The following HPSE2 variants were observed in gnomAD, a reference collection of about 807,000 sequenced individuals.
HPSE2 encodes the protein heparanase 2 (inactive), also known as inactive heparanase-2.
A neutral mutation model predicts 60.5 loss-of-function variants in HPSE2; 38 were observed. That is an observed-to-expected ratio of 0.63 (90% CI 0.48 to 0.82). The LOEUF (loss-of-function observed/expected upper bound fraction) is 0.82, where lower values mean the gene tolerates loss of function less well. HPSE2 is among the 40% of genes least tolerant of loss of function. The pLI is 0.00. For missense variants in HPSE2, 713 were observed against 740.4 expected (o/e 0.96, Z 0.43); for synonymous variants, 295 against 293.2 (o/e 1.01, Z -0.06).
intron 3 of HPSE2, among the ~76,000 whole-genome samples, chr10:99,026,881 G>A (rs1215566221): frequency 1.3e-5 from 2 of 152,036 alleles, no homozygotes; most frequent in Non-Finnish European, 2.9e-5. Context: ...CAATGGGTCA[G>A]TAAAGAAATT....
intron 3 of HPSE2, among the ~76,000 whole-genome samples, chr10:98,978,472 AAAC>A (rs1390903922): frequency 1.3e-5 from 2 of 152,302 alleles, no homozygotes; most frequent in South Asian, 4.1e-4. Context: ...ACAAAAATGA[AAAC>A]AACAATAACA....
At chr10:99,118,396 G>A (rs530623812) in intron 3 of HPSE2, among the ~76,000 whole-genome samples, 18 of 151,754 alleles carry the variant, frequency 1.2e-4, no homozygotes, top group Admixed American at 9.2e-4. Flanking sequence ...GTTGGCAGGC[G>A]CCTGTAGTCC....
chr10:98,809,573 A>T (rs1951120320), intron 3 of HPSE2, among the ~76,000 whole-genome samples: 1 of 152,068 alleles, frequency 6.6e-6, no homozygotes, highest in South Asian at 2.1e-4. Flanking sequence ...GTTACTTTGG[A>T]CCCACCAAAC....
intron 6 of HPSE2, among the ~76,000 whole-genome samples, chr10:98,658,246 T>G (rs566233027): frequency 1.3e-5 from 2 of 152,322 alleles, no homozygotes; most frequent in African/African-American, 4.8e-5. Context: ...GAGCTAGATG[T>G]TCCCTGTACT....
chr10:98,839,439 C>A lies in HPSE2; in HGVS notation c.611-95383G>T, dbSNP rs144317477. Among the ~76,000 whole-genome samples, 164 of 152,248 alleles carry A rather than the reference C, an allele frequency of 1.1e-3. 2 individuals carry two copies. The highest frequency in any genetic ancestry group is 0.01 in the Middle Eastern group (3 of 294). On this transcript the variant is annotated intron_variant, in intron 3 of 11. Transcript: ENST00000370552. ...GTAATCATGAATTAAATTCATCATT[C>A]ATTCACTAAGTACAAGAGAACATCA...
At chr10:99,301,994 G>A in the HPSE2 span, among the ~76,000 whole-genome samples, 130,227 of 151,786 alleles carry the variant, frequency 0.86, 56,246 homozygotes, top group African/African-American at 0.93. Context: ...TGGAAACCAC[G>A]GAATAGATCT....
intron 3 of HPSE2, among the ~76,000 whole-genome samples, chr10:99,045,022 AC>A (rs1482840336): frequency 6.6e-6 from 1 of 152,168 alleles, no homozygotes; most frequent in Non-Finnish European, 1.5e-5. Context: ...GACCTAATAG[AC>A]ATCTACAGAA....
intron 3 of HPSE2, among the ~76,000 whole-genome samples, chr10:98,934,588 A>T (rs571641005): frequency 1.4e-5 from 2 of 144,440 alleles, no homozygotes; most frequent in South Asian, 4.2e-4. Context: ...CTTTTTTAAC[A>T]ATGTTGAACA....
At chr10:98,498,170 C>T (rs1941914407) in intron 9 of HPSE2, among the ~76,000 whole-genome samples, 1 of 152,190 alleles carries the variant, frequency 6.6e-6, no homozygotes, top group African/African-American at 2.4e-5. Flanking sequence ...TGAATTTTAG[C>T]TCCAGATCAA....
chr10:98,621,554 G>T (rs1281626089), intron 7 of HPSE2, among the ~76,000 whole-genome samples: 2 of 152,160 alleles, frequency 1.3e-5, no homozygotes, highest in Admixed American at 6.5e-5. Context: ...GGGACTGGGG[G>T]ACTGAAATAG....
intron 2 of HPSE2, among the ~76,000 whole-genome samples, chr10:99,222,927 A>T (rs1022176108): frequency 6.6e-6 from 1 of 152,160 alleles, no homozygotes; most frequent in Non-Finnish European, 1.5e-5. Context: ...ACATTTTTTT[A>T]ATGCTCCACA....
intron 3 of HPSE2, among the ~76,000 whole-genome samples, chr10:99,113,386 C>T (rs1368937852): frequency 6.6e-6 from 1 of 152,138 alleles, no homozygotes; most frequent in Non-Finnish European, 1.5e-5. Context: ...TAAAGGACTT[C>T]ACAGGTTGGT....
chr10:98,621,357 T>G (rs1946068960), intron 7 of HPSE2, among the ~76,000 whole-genome samples: 1 of 152,044 alleles, frequency 6.6e-6, no homozygotes. Context: ...AGATTTGAAA[T>G]GGCCTAGTCT....
chr10:99,185,635 G>A lies in HPSE2; in HGVS notation c.449-41236C>T, dbSNP rs558016662. Among the ~76,000 whole-genome samples, 15 of 151,858 alleles carry A rather than the reference G, an allele frequency of 9.9e-5. No individual in the cohort carries two copies. In the East Asian group the frequency reaches 1.2e-3, roughly 12 times the overall value. On this transcript the variant is annotated intron_variant, in intron 2 of 11. Coordinates refer to ENST00000370552, the MANE Select transcript of HPSE2 (RefSeq NM_021828.5). ...TAAAAATACAAAAAATTAGCCGGGC[G>A]TAGTGGCGGGTGTCTTTAGTCCCAG...
intron 8 of HPSE2, among the ~76,000 whole-genome samples, chr10:98,619,813 C>G (rs371401027): frequency 2.0e-4 from 31 of 152,334 alleles, no homozygotes; most frequent in African/African-American, 7.5e-4. Context: ...CTCCCTGATA[C>G]TCCCAGTCAC....
chr10:98,893,978 CTT>C (rs1953411910), intron 3 of HPSE2, among the ~76,000 whole-genome samples: 1 of 151,820 alleles, frequency 6.6e-6, no homozygotes, highest in African/African-American at 2.4e-5. Flanking sequence ...CCTCTCTTGA[CTT>C]TGGCAAGAAA....
chr10:99,087,350 G>A (rs945845430), intron 3 of HPSE2, among the ~76,000 whole-genome samples: 3 of 152,058 alleles, frequency 2.0e-5, no homozygotes, highest in Non-Finnish European at 2.9e-5. Context: ...ACTTTCTGGC[G>A]TCCCACACAG....
At chr10:98,540,862 G>A (rs1482266775) in intron 9 of HPSE2, among the ~76,000 whole-genome samples, 1 of 152,130 alleles carries the variant, frequency 6.6e-6, no homozygotes, top group African/African-American at 2.4e-5. Flanking sequence ...TAGATGTAAA[G>A]AGGAAATATG....
chr10:98,977,062 C>T (rs918757963), intron 3 of HPSE2, among the ~76,000 whole-genome samples: 1 of 152,166 alleles, frequency 6.6e-6, no homozygotes, highest in African/African-American at 2.4e-5. Context: ...CCTGGACCTG[C>T]TGACACCTTG....
Sources: allele counts gnomAD v4.1 joint callset (sites outside exome capture counted in the v4.1 genomes callset), GRCh38; gene constraint gnomAD v4.1.1; transcripts MANE v1.5; gene names NCBI Gene and HGNC (gene_info 2026-07-23, HGNC 2026-07-21).